The following GABRB3 variants were observed in gnomAD, a reference collection of about 807,000 sequenced individuals.
GABRB3 encodes the protein gamma-aminobutyric acid type A receptor subunit beta3.
Under a neutral mutation model 52.1 loss-of-function variants are expected in GABRB3, and 14 were observed. That is an observed-to-expected ratio of 0.27 (90% CI 0.18 to 0.42). The LOEUF is 0.42. Among genes scored for constraint, GABRB3 ranks in the 10% least tolerant of loss-of-function variants. The probability of loss-of-function intolerance (pLI) is 1.00; values close to 1 mark genes in which losing one functional copy is unlikely to be tolerated. For missense variants in GABRB3, 307 were observed against 609.1 expected (o/e 0.50, Z 5.22); for synonymous variants, 260 against 232.3 (o/e 1.12, Z -1.08).
rs1025563086 is a variant in GABRB3 at position 26,621,959 on chromosome 15, C to G, written c.241-425G>C. On this transcript the variant is annotated intron_variant, in intron 3 of 8. Coordinates refer to ENST00000311550, the MANE Select transcript of GABRB3 (RefSeq NM_000814.6). The surrounding 1 kb of genome is among the most constrained non-coding windows in gnomAD (Gnocchi z 4.1). ...GAGCTCTATCTACAAACTCTCTCTG[C>G]AATTTGAGCCACTTTCCTCTGGTTC... Among the ~76,000 whole-genome samples the G allele has an allele frequency of 6.8e-6, 1 of 147,766 alleles. No homozygotes were observed. Among genetic ancestry groups the G allele is most frequent in the Non-Finnish European group, 1.5e-5 (1 of 66,294 alleles).
intron 6 of GABRB3, among the ~76,000 whole-genome samples, chr15:26,570,900 G>C (rs950257974): frequency 6.6e-6 from 1 of 151,944 alleles, no homozygotes; most frequent in Non-Finnish European, 1.5e-5. Context: ...GAATTTGTGA[G>C]GTAATTTTTT....
chr15:26,589,782 C>G (rs1284125354), intron 4 of GABRB3, among the ~76,000 whole-genome samples: 1 of 152,202 alleles, frequency 6.6e-6, no homozygotes, highest in African/African-American at 2.4e-5. Flanking sequence ...AGAACGGCAG[C>G]AACCCCAACC....
At chr15:26,687,481 C>CTT (rs910418355) in intron 3 of GABRB3, among the ~76,000 whole-genome samples, 54 of 152,266 alleles carry the variant, frequency 3.5e-4, no homozygotes, top group African/African-American at 1.3e-3. Flanking sequence ...TCATGCTTCT[C>CTT]TTTCTCTTCC....
rs190017183 is a variant in GABRB3, at chr15:26,638,163, C to T, written c.241-16629G>A. Among the ~76,000 whole-genome samples, 31 of 152,272 alleles carry T rather than the reference C, an allele frequency of 2.0e-4. 1 individual carries two copies. In the East Asian group the frequency reaches 4.8e-3, roughly 24 times the overall value. ...ACTGAAGTCCCCATCCCTCATCAGC[C>T]CACCAGGGTTCTGAACCTGGTCCAA... On this transcript the variant is annotated intron_variant, in intron 3 of 8. Transcript: ENST00000311550.
chr15:26,665,836 A>C (rs1268987992), intron 3 of GABRB3, among the ~76,000 whole-genome samples: 1 of 152,248 alleles, frequency 6.6e-6, no homozygotes, highest in African/African-American at 2.4e-5. Context: ...CAGCAATAGG[A>C]AAAACTATAA....
intron 3 of GABRB3, among the ~76,000 whole-genome samples, chr15:26,734,433 G>C (rs1470098650): frequency 2.0e-5 from 3 of 151,750 alleles, no homozygotes; most frequent in Non-Finnish European, 1.5e-5. Flanking sequence ...GGCAACAAAA[G>C]AAAAAAACAG....
chr15:26,767,611 G>C (rs1290432389), intron 3 of GABRB3, among the ~76,000 whole-genome samples: 1 of 152,098 alleles, frequency 6.6e-6, no homozygotes, highest in Non-Finnish European at 1.5e-5. Context: ...ATGCTGTAAG[G>C]CTTTTTTTAA....
chr15:26,629,799 A>G (rs977483243), intron 3 of GABRB3, among the ~76,000 whole-genome samples: 17 of 152,184 alleles, frequency 1.1e-4, no homozygotes, highest in Non-Finnish European at 2.1e-4. Context: ...TCAAGCATTT[A>G]TAAAATATCC....
intron 4 of GABRB3, among the ~76,000 whole-genome samples, chr15:26,598,432 G>A (rs1394848390): frequency 6.6e-6 from 1 of 152,060 alleles, no homozygotes; most frequent in African/African-American, 2.4e-5. Context: ...ACCCCACAGA[G>A]AAAGATCAAA....
intron 3 of GABRB3, among the ~76,000 whole-genome samples, chr15:26,753,590 G>A (rs115709703): frequency 0.026 from 3,976 of 152,296 alleles, 144 homozygotes; most frequent in African/African-American, 0.089. Flanking sequence ...GGTGGGAGGT[G>A]GTTGTAAAAA....
At chr15:26,629,387 G>A (rs1892844745) in intron 3 of GABRB3, among the ~76,000 whole-genome samples, 1 of 152,214 alleles carries the variant, frequency 6.6e-6, no homozygotes, top group African/African-American at 2.4e-5. Context: ...CCTCGCCCTG[G>A]GAGGGTGGGC....
chr15:26,565,844 G>A (rs558065544), intron 7 of GABRB3, among the ~76,000 whole-genome samples: 9 of 152,152 alleles, frequency 5.9e-5, no homozygotes, highest in African/African-American at 1.7e-4. Flanking sequence ...GCTTCAGATC[G>A]GTCTCCACTT....
intron 4 of GABRB3, among the ~76,000 whole-genome samples, chr15:26,597,892 G>A (rs1365253238): frequency 6.6e-6 from 1 of 152,182 alleles, no homozygotes; most frequent in Non-Finnish European, 1.5e-5. Context: ...ATCATACTGG[G>A]TAGGGGTAGG....
At chr15:26,773,094 G>A (rs1014318342), upstream of GABRB3, 14 of 923,736 alleles carry the variant, frequency 1.5e-5, no homozygotes, top group African/African-American at 1.8e-5. Context: ...GGCGGAGGGG[G>A]AGGGGAGGAG....
At chr15:26,636,514 A>G (rs952323213) in intron 3 of GABRB3, among the ~76,000 whole-genome samples, 3 of 150,566 alleles carry the variant, frequency 2.0e-5, no homozygotes, top group Non-Finnish European at 1.5e-5. Flanking sequence ...CCATCCACCC[A>G]CTCTTTCCAC....
chr15:26,570,961 T>C (rs1166347517), intron 6 of GABRB3, among the ~76,000 whole-genome samples: 1 of 152,218 alleles, frequency 6.6e-6, no homozygotes, highest in Admixed American at 6.5e-5. Flanking sequence ...AGGTTATGAA[T>C]AAATACTTCT....
chr15:26,709,798 T>A (rs1402919590), intron 3 of GABRB3, among the ~76,000 whole-genome samples: 7 of 152,152 alleles, frequency 4.6e-5, no homozygotes, highest in Non-Finnish European at 2.9e-5. Flanking sequence ...ATTACAGGCG[T>A]GAGCCACCAC....
At chr15:26,677,742 G>T (rs1217331016) in intron 3 of GABRB3, among the ~76,000 whole-genome samples, 1 of 152,152 alleles carries the variant, frequency 6.6e-6, no homozygotes, top group Non-Finnish European at 1.5e-5. Flanking sequence ...TATTTACTTT[G>T]AAGTTAACTC....
At position 26,628,713 on chromosome 15, in the gene GABRB3, CAAAA is replaced by C. The variant is rs75313169; in HGVS notation, c.241-7183_241-7180del. Among the ~76,000 whole-genome samples the C allele has an allele frequency of 0.34, 51,886 of 151,550 alleles. 9,711 individuals are homozygous for C. Among genetic ancestry groups the C allele is most frequent in the Middle Eastern group, 0.49 (141 of 290 alleles). ...AACAAAAAAACAAAACAAAACAAAA[CAAAA>C]AACCAACCAGCGCCACAGGGCTAGG... On this transcript the variant is annotated intron_variant, in intron 3 of 8. Transcript: ENST00000311550.
Sources: gnomAD v4.1 joint callset for allele counts (sites outside exome capture counted in the v4.1 genomes callset) on GRCh38, gnomAD v4.1.1 for gene constraint, Gnocchi (gnomAD v3.1) non-coding constraint, MANE v1.5 for transcripts, NCBI Gene and HGNC (gene_info 2026-07-23, HGNC 2026-07-21) for gene names.